The following ZNF618 variants were observed in gnomAD, a reference collection of about 807,000 sequenced individuals.
The protein encoded by ZNF618 is zinc finger protein 618.
A neutral mutation model predicts 103.0 loss-of-function variants in ZNF618; 34 were observed. The ratio of observed to expected loss-of-function variants is 0.33; its 90% CI spans 0.25 to 0.44. The LOEUF (loss-of-function observed/expected upper bound fraction) is 0.44, where lower values mean the gene tolerates loss of function less well. Among genes scored for constraint, ZNF618 ranks in the 20% least tolerant of loss-of-function variants. The pLI, the probability that ZNF618 is intolerant of heterozygous loss-of-function variation, is 1.00. For synonymous variants in ZNF618, 551 were observed against 542.2 expected (o/e 1.02, Z -0.23); for missense variants, 1,059 against 1,295.4 (o/e 0.82, Z 2.80).
intron 13 of ZNF618, among the ~76,000 whole-genome samples, chr9:114,042,104 G>A (rs1845243942): frequency 6.6e-6 from 1 of 152,102 alleles, no homozygotes. Flanking sequence ...TGGAAATTGT[G>A]TTTCCCCTTT....
At chr9:113,999,181 C>A (rs1000876379) in intron 4 of ZNF618, among the ~76,000 whole-genome samples, 1 of 152,188 alleles carries the variant, frequency 6.6e-6, no homozygotes, top group Non-Finnish European at 1.5e-5. Flanking sequence ...AGCCCAGAGT[C>A]GGGCTGAGCG....
chr9:113,888,493 T>C (rs1326062224), intron 1 of ZNF618, among the ~76,000 whole-genome samples: 2 of 152,282 alleles, frequency 1.3e-5, no homozygotes, highest in Non-Finnish European at 2.9e-5. Context: ...TTTGACATAC[T>C]TGGAATCGGG....
intron 1 of ZNF618, among the ~76,000 whole-genome samples, chr9:113,926,254 T>C (rs1274841467): frequency 6.6e-6 from 1 of 151,924 alleles, no homozygotes; most frequent in Non-Finnish European, 1.5e-5. Context: ...TTATTCTTCT[T>C]ATAAGTAAGG....
At chr9:113,947,878 A>C (rs1264788115) in intron 1 of ZNF618, among the ~76,000 whole-genome samples, 2 of 152,226 alleles carry the variant, frequency 1.3e-5, no homozygotes, top group Non-Finnish European at 2.9e-5. Context: ...AGAAAACCAC[A>C]GCTGCCTCAG....
rs761435158 is a variant in ZNF618, at chr9:114,008,563, G to T, written c.754+9G>T. ...CCAGAAAATCGGGCCAAGTATGCGG[G>T]ATTCCCTCTGGGGCCAAGGGCTGGG... On this transcript the variant is annotated intron_variant, in intron 9 of 14. Transcript: ENST00000374126. 1 of 1,613,670 alleles carries T rather than the reference G, an allele frequency of 6.2e-7. No homozygotes were observed. The highest frequency in any genetic ancestry group is 1.7e-5 in the Admixed American group (1 of 59,980).
At chr9:113,966,559 C>G (rs755797222) in intron 1 of ZNF618, among the ~76,000 whole-genome samples, 2 of 152,220 alleles carry the variant, frequency 1.3e-5, no homozygotes. Context: ...CCACACCGGC[C>G]TGGCGTGTAT....
At chr9:113,906,925 C>G (rs1220345636) in intron 1 of ZNF618, among the ~76,000 whole-genome samples, 1 of 152,234 alleles carries the variant, frequency 6.6e-6, no homozygotes, top group Non-Finnish European at 1.5e-5. Flanking sequence ...CATCTCTCAG[C>G]TCTTGTTTCC....
Position 113,951,111 on chromosome 9 carries a change from G to C in ZNF618, c.34-18006G>C, listed in dbSNP as rs186101420. 2.0e-3 allele frequency among the ~76,000 whole-genome samples: 303 copies of C among 151,956 alleles called. 2 individuals carry two copies. Among genetic ancestry groups the C allele is most frequent in the African/African-American group, 6.6e-3 (273 of 41,446 alleles). Reference sequence around the variant, plus strand: ...GGCTTGATTGGAGGCTAGAAGGCCAGTTGGAGGGCTTTTGAAGAAACCTAG... The same window carrying C: ...GGCTTGATTGGAGGCTAGAAGGCCACTTGGAGGGCTTTTGAAGAAACCTAG... On this transcript the variant is annotated intron_variant, in intron 1 of 14. Coordinates refer to ENST00000374126, the MANE Select transcript of ZNF618 (RefSeq NM_001318042.2).
chr9:113,984,540 C>A (rs1405323996), intron 2 of ZNF618, among the ~76,000 whole-genome samples: 1 of 152,234 alleles, frequency 6.6e-6, no homozygotes, highest in Non-Finnish European at 1.5e-5. Context: ...CTCCTCCCTT[C>A]CCCTACCAGG....
rs369672597 is a variant in ZNF618 at position 114,050,316 on chromosome 9, ATGTGTGTG to A, written c.*154_*161del. ...CTGGAAACTTAAGTGCTTTTTTTAT[ATGTGTGTG>A]TGTGCGTGTATGTACACAGCCACAC... On this transcript the variant is annotated 3_prime_UTR_variant, in exon 15 of 15. Coordinates refer to ENST00000374126, the MANE Select transcript of ZNF618 (RefSeq NM_001318042.2). The A allele has an allele frequency of 1.1e-6, 1 of 917,644 alleles. No individual in the cohort carries two copies. Among genetic ancestry groups the A allele is most frequent in the Non-Finnish European group, 1.6e-6 (1 of 628,198 alleles). The allele number at this position is 917,644 out of a possible 1,614,324, so 56.8% of individuals were successfully genotyped here.
intron 2 of ZNF618, among the ~76,000 whole-genome samples, 161 bp downstream of exon 2, chr9:113,969,321 G>A (rs148310847): frequency 5.9e-5 from 9 of 152,326 alleles, no homozygotes; most frequent in African/African-American, 2.2e-4. Context: ...AGAATGTGAG[G>A]TCATAGAAAG....
chr9:114,019,842 A>G (rs1842931462), intron 10 of ZNF618, among the ~76,000 whole-genome samples: 1 of 152,146 alleles, frequency 6.6e-6, no homozygotes, highest in Admixed American at 6.5e-5. Flanking sequence ...GATGTCTTTC[A>G]TTTTGATGAA....
At chr9:113,893,526 A>G (rs1473235492) in intron 1 of ZNF618, among the ~76,000 whole-genome samples, 1 of 152,162 alleles carries the variant, frequency 6.6e-6, no homozygotes, top group Admixed American at 6.5e-5. Context: ...TTTTGTAAGC[A>G]TATTTTTATT....
intron 1 of ZNF618, among the ~76,000 whole-genome samples, chr9:113,936,866 T>TAAG (rs2131966576): frequency 6.6e-6 from 1 of 152,326 alleles, no homozygotes; most frequent in East Asian, 1.9e-4. Flanking sequence ...GGGATTTCTT[T>TAAG]TTGTGTGTTT....
chr9:113,910,340 C>T (rs1002388998), intron 1 of ZNF618, among the ~76,000 whole-genome samples: 12 of 152,284 alleles, frequency 7.9e-5, no homozygotes, highest in African/African-American at 2.9e-4. Flanking sequence ...GTTTGTTCAC[C>T]TGGTTCCTGC....
chr9:113,956,850 TA>T (rs1836351795), intron 1 of ZNF618, among the ~76,000 whole-genome samples: 1 of 152,236 alleles, frequency 6.6e-6, no homozygotes, highest in African/African-American at 2.4e-5. Flanking sequence ...AATCATTTTA[TA>T]AAAAGTAATG....
At chr9:113,992,158 C>T (rs554247243) in intron 3 of ZNF618, among the ~76,000 whole-genome samples, 1 of 152,238 alleles carries the variant, frequency 6.6e-6, no homozygotes, top group East Asian at 1.9e-4. Flanking sequence ...GTAAGGAGTT[C>T]TCTGTTGAGG....
At chr9:113,931,460 C>T (rs577310778) in intron 1 of ZNF618, among the ~76,000 whole-genome samples, 10 of 151,978 alleles carry the variant, frequency 6.6e-5, no homozygotes, top group African/African-American at 9.7e-5. Context: ...ATACCAGGGG[C>T]GTGTTGAGAG....
chr9:113,969,038 G>T (rs1837697666), intron 1 of ZNF618, 79 bp from the exon 2 acceptor site: 4 of 1,524,730 alleles, frequency 2.6e-6, no homozygotes, highest in Non-Finnish European at 2.7e-6. Context: ...GTATTCAGTG[G>T]GAGCTTGATG....
Sources: allele counts gnomAD v4.1 joint callset (sites outside exome capture counted in the v4.1 genomes callset), GRCh38; gene constraint gnomAD v4.1.1; transcripts MANE v1.5; gene names NCBI Gene and HGNC (gene_info 2026-07-23, HGNC 2026-07-21).